Variants in PLCXD1 observed in about 807,000 individuals in gnomAD.
PLCXD1 encodes the protein PI-PLC X domain-containing protein 1.
PLCXD1 carries 45 observed loss-of-function variants against 37.8 expected under a neutral mutation model. The observed-to-expected ratio is 1.19, with a 90% CI of 0.94 to 1.53. PLCXD1 has a LOEUF of 1.53. Among genes scored for constraint, PLCXD1 ranks in the 40% most tolerant of loss-of-function variants. The pLI, the probability that PLCXD1 is intolerant of heterozygous loss-of-function variation, is 0.00. For synonymous variants in PLCXD1, 246 were observed against 206.9 expected (o/e 1.19, Z -1.62); for missense variants, 539 against 454.7 (o/e 1.19, Z -1.69).
chrX:293,288 C>T, intron 6 of PLCXD1, 70 bp downstream of exon 6: 1 of 1,193,318 alleles, frequency 8.4e-7, no homozygotes, highest in South Asian at 1.3e-5. Flanking sequence ...AGGCCGGGTC[C>T]ACATGGACTT....
In PLCXD1 at chrX:291,393, G is replaced by T. The variant is rs571678122; in HGVS notation, c.394-106G>T. The T allele has an allele frequency of 1.6e-5, 20 of 1,270,152 alleles. No individual in the cohort carries two copies. The South Asian group carries it at 2.2e-4, about 14-fold the overall frequency. The allele number at this position is 1,270,152 out of a possible 1,614,324, so 78.7% of individuals were successfully genotyped here. ...ACTCCTAACCTCAGGTGATCCACCC[G>T]CCTCGGCCTCCCAAATTGCTGGGAT... On this transcript the variant is annotated intron_variant, in intron 4 of 6. Coordinates refer to ENST00000381657, the MANE Select transcript of PLCXD1 (RefSeq NM_018390.4).
chrX:290,144 G>A (rs2069580615), intron 3 of PLCXD1, among the ~76,000 whole-genome samples: 1 of 151,952 alleles, frequency 6.6e-6, no homozygotes, highest in South Asian at 2.1e-4. Flanking sequence ...ATTTTTAGTA[G>A]AGGCCGGGCG....
intron 5 of PLCXD1, 149 bp downstream of exon 5, chrX:291,803 T>C: frequency 3.4e-6 from 3 of 893,352 alleles, no homozygotes; most frequent in South Asian, 1.5e-5. Context: ...TCTCCCGCAG[T>C]GTGGGGGGCC....
chrX:297,225 T>C (rs28756114), intron 6 of PLCXD1, among the ~76,000 whole-genome samples: 37 of 22,196 alleles, frequency 1.7e-3, no homozygotes, highest in African/African-American at 2.8e-3. Context: ...ATTCTGTCTA[T>C]CACATGGGGA....
chrX:284,137 A>C, intron 1 of PLCXD1, 30 bp from the exon 2 acceptor site: 1 of 1,602,636 alleles, frequency 6.2e-7, no homozygotes, highest in Non-Finnish European at 8.5e-7. Context: ...GTCACCGTAA[A>C]AAACCTCTTT....
At chrX:290,429 C>CAA (rs56084430) in intron 3 of PLCXD1, among the ~76,000 whole-genome samples, 3 of 126,306 alleles carry the variant, frequency 2.4e-5, no homozygotes, top group Non-Finnish European at 3.4e-5. Context: ...GACTCCGTCT[C>CAA]AAAAAAAAAA....
chrX:288,405 C>T (rs997017967), intron 2 of PLCXD1, among the ~76,000 whole-genome samples: 4 of 152,132 alleles, frequency 2.6e-5, no homozygotes, highest in Non-Finnish European at 4.4e-5. Context: ...TCTCTGCCTC[C>T]GTCTCCACGA....
At chrX:296,432 G>A (rs1190186227) in intron 6 of PLCXD1, among the ~76,000 whole-genome samples, 3 of 152,130 alleles carry the variant, frequency 2.0e-5, no homozygotes, top group Non-Finnish European at 4.4e-5. Flanking sequence ...CTAGAAATAC[G>A]TGTTAAAAAC....
At chrX:291,792 C>G in intron 5 of PLCXD1, 138 bp downstream of exon 5, 1 of 965,126 alleles carries the variant, frequency 1.0e-6, no homozygotes, top group Non-Finnish European at 1.6e-6. Context: ...GGGCTGCCTG[C>G]TCTCCCGCAG....
chrX:290,422 T>C (rs1337603336), intron 3 of PLCXD1, among the ~76,000 whole-genome samples: 2 of 110,868 alleles, frequency 1.8e-5, no homozygotes, highest in African/African-American at 3.7e-5. Context: ...AGAGCGAGAC[T>C]CCGTCTCAAA....
In PLCXD1 at chrX:302,686, G is replaced by A. The variant is rs1043077743; in HGVS notation, c.*3351G>A. ...CTCCCGGGTTCCAGCAAATTCTCCTGCCTCAGCCTCCCAAGTAGCTGGGAT... is the reference window on the plus strand; with the variant it reads ...CTCCCGGGTTCCAGCAAATTCTCCTACCTCAGCCTCCCAAGTAGCTGGGAT... On this transcript the variant is annotated 3_prime_UTR_variant, in exon 7 of 7. Coordinates refer to ENST00000381657, the MANE Select transcript of PLCXD1 (RefSeq NM_018390.4). 3 of 152,206 alleles carry A rather than the reference G, an allele frequency of 2.0e-5. No homozygotes were observed. Among genetic ancestry groups the A allele is most frequent in the Non-Finnish European group, 4.4e-5 (3 of 68,068 alleles). 9.4% of individuals were successfully genotyped at this position (152,206 alleles called of 1,614,324 possible).
At position 301,458 on chromosome X, in the gene PLCXD1, A is replaced by G. The variant is rs1208308022; in HGVS notation, c.*2123A>G. 1 of 148,452 alleles carries G rather than the reference A, an allele frequency of 6.7e-6. No individual in the cohort carries two copies. Among genetic ancestry groups the G allele is most frequent in the African/African-American group, 2.5e-5 (1 of 39,578 alleles). The allele number at this position is 148,452 out of a possible 1,614,324, so 9.2% of individuals were successfully genotyped here. Reference sequence around the variant, plus strand: ...CACACCCACAGCTAATTTTTTTTGTAGAGATGGGGTCTGGCTCTGTTGCTC... The same window carrying G: ...CACACCCACAGCTAATTTTTTTTGTGGAGATGGGGTCTGGCTCTGTTGCTC... On this transcript the variant is annotated 3_prime_UTR_variant, in exon 7 of 7. Transcript: ENST00000381657.
chrX:293,762 A>G lies in PLCXD1; in HGVS notation c.733+544A>G, dbSNP rs766163483. On this transcript the variant is annotated intron_variant, in intron 6 of 6. Transcript: ENST00000381657. Reference sequence around the variant, plus strand: ...CTTAAGACATCACGCTCAGTGAGAGAAGCCAGACACAAAAGGACACGTAGT... The same window carrying G: ...CTTAAGACATCACGCTCAGTGAGAGGAGCCAGACACAAAAGGACACGTAGT... 3.9e-5 allele frequency among the ~76,000 whole-genome samples: 6 copies of G among 152,284 alleles called. No homozygotes were observed. In the South Asian group the frequency reaches 1.2e-3, roughly 32 times the overall value.
intron 1 of PLCXD1, among the ~76,000 whole-genome samples, chrX:282,880 A>C (rs1361969997): frequency 2.9e-5 from 4 of 138,186 alleles, no homozygotes; most frequent in Non-Finnish European, 6.2e-5. Flanking sequence ...TATATATGTT[A>C]TGTATGTGTT....
chrX:282,941 TATATTA>T (rs1286937597), intron 1 of PLCXD1, among the ~76,000 whole-genome samples: 2 of 117,546 alleles, frequency 1.7e-5, no homozygotes, highest in African/African-American at 8.1e-5. Context: ...ATGTTATATA[TATATTA>T]TATATATATT....
At chrX:278,552 A>C (rs1347594320), upstream of PLCXD1, among the ~76,000 whole-genome samples, 1 of 151,974 alleles carries the variant, frequency 6.6e-6, no homozygotes, top group Non-Finnish European at 1.5e-5. Context: ...CAGCCTGACC[A>C]ACAAGGTGAA....
chrX:286,069 A>AT (rs113597268), intron 2 of PLCXD1, among the ~76,000 whole-genome samples: 17,549 of 147,026 alleles, frequency 0.12, 1,681 homozygotes, highest in African/African-American at 0.27. Flanking sequence ...CCTGAGGTTA[A>AT]TTTTTTTTTT....
intron 6 of PLCXD1, among the ~76,000 whole-genome samples, chrX:294,267 G>A (rs956461773): frequency 3.3e-5 from 5 of 152,204 alleles, no homozygotes; most frequent in Non-Finnish European, 5.9e-5. Context: ...CGGATCATGA[G>A]GTCAGGAGAT....
At chrX:295,238 C>T (rs1042523902) in intron 6 of PLCXD1, among the ~76,000 whole-genome samples, 29 of 151,990 alleles carry the variant, frequency 1.9e-4, no homozygotes, top group South Asian at 8.3e-4. Context: ...AAGCCACCGA[C>T]GGGGTGTGAG....
Sources: gnomAD v4.1 joint callset for allele counts (sites outside exome capture counted in the v4.1 genomes callset) on GRCh38, gnomAD v4.1.1 for gene constraint, MANE v1.5 for transcripts, NCBI Gene and HGNC (gene_info 2026-07-23, HGNC 2026-07-21) for gene names.